Variants in PLEKHG7 observed in about 807,000 individuals in gnomAD.
The protein encoded by PLEKHG7 is pleckstrin homology domain-containing family G member 7.
In PLEKHG7, 77 loss-of-function variants were observed where a neutral mutation model predicts 85.2. That is an observed-to-expected ratio of 0.90 (90% confidence interval 0.75 to 1.09). The LOEUF is 1.09. Among genes scored for constraint, PLEKHG7 ranks in the 50% least tolerant of loss-of-function variants. The pLI, the probability that PLEKHG7 is intolerant of heterozygous loss-of-function variation, is 0.00. For missense variants in PLEKHG7, 777 were observed against 804.3 expected, an observed-to-expected ratio of 0.97 and a Z score of 0.41; for synonymous variants, 301 against 302.4, an observed-to-expected ratio of 1.00 and a Z score of 0.05.
chr12:92,745,632 C>T, intron 10 of PLEKHG7, 41 bp downstream of exon 10: 2 of 1,391,268 alleles, frequency 1.4e-6, no homozygotes, highest in Non-Finnish European at 2.0e-6. Context: ...TTTGCTGATG[C>T]TTTTTGGGTG....
rs927064375 is a variant in PLEKHG7 at position 92,737,401 on chromosome 12, G to A, written c.819G>A (p.Leu273=). 6 of 1,540,534 alleles carry A rather than the reference G, an allele frequency of 3.9e-6. No homozygotes were observed. The African/African-American group carries it at 7.0e-5, about 18-fold the overall frequency. The part of the protein sequence containing the change: ...GLKDKTWDEV[L]ETHHKLPTDQ... ...AGGATAAGACCTGGGATGAAGTCTT[G>A]GAAACACATCACAAACTCCCGACCG... Residue 273 remains leucine, a synonymous_variant, in exon 7 of 17, where the codon TTG becomes TTA. Transcript: ENST00000344636.
chr12:92,718,419 A>G (rs1871549565), intron 3 of PLEKHG7, among the ~76,000 whole-genome samples: 1 of 152,232 alleles, frequency 6.6e-6, no homozygotes, highest in Non-Finnish European at 1.5e-5. Context: ...AATAGAATGT[A>G]AGTTCCAGGA....
chr12:92,744,868 G>A (rs573948868), intron 9 of PLEKHG7, among the ~76,000 whole-genome samples: 1 of 152,146 alleles, frequency 6.6e-6, no homozygotes, highest in African/African-American at 2.4e-5. Flanking sequence ...GGGTTTCAAT[G>A]TGTTGCACAG....
At chr12:92,751,589 G>A (rs1872691335) in intron 10 of PLEKHG7, among the ~76,000 whole-genome samples, 1 of 151,606 alleles carries the variant, frequency 6.6e-6, no homozygotes, top group Non-Finnish European at 1.5e-5. Context: ...GGCCAGGCTG[G>A]TCTCGAACTC....
At chr12:92,765,227 C>G (rs1179236720) in intron 15 of PLEKHG7, among the ~76,000 whole-genome samples, 1 of 151,556 alleles carries the variant, frequency 6.6e-6, no homozygotes, top group Non-Finnish European at 1.5e-5. Flanking sequence ...GTGGCTCATA[C>G]TATAATCCCA....
chr12:92,736,621 C>T (rs940630801), intron 6 of PLEKHG7, 44 bp downstream of exon 6: 16 of 1,159,742 alleles, frequency 1.4e-5, no homozygotes, highest in African/African-American at 9.6e-5. Flanking sequence ...TTTTTCTTTT[C>T]GTTTTTTGGT....
chr12:92,727,532 T>C (rs1267919377), intron 3 of PLEKHG7, among the ~76,000 whole-genome samples: 26 of 152,194 alleles, frequency 1.7e-4, no homozygotes, highest in Admixed American at 1.7e-3. Context: ...GCATCTGGAT[T>C]AGTTTACTTA....
intron 3 of PLEKHG7, among the ~76,000 whole-genome samples, chr12:92,728,599 G>T (rs533065465): frequency 2.0e-5 from 3 of 149,854 alleles, no homozygotes; most frequent in South Asian, 4.2e-4. Flanking sequence ...ACATTCCATG[G>T]TGTTTATATG....
At chr12:92,763,897 G>T (rs566643691) in intron 14 of PLEKHG7, 144 bp from the exon 15 acceptor site, 2 of 543,792 alleles carry the variant, frequency 3.7e-6, no homozygotes, top group East Asian at 3.4e-5. Flanking sequence ...TGCTTTTCAA[G>T]ATCCAGAAAG....
intron 3 of PLEKHG7, among the ~76,000 whole-genome samples, chr12:92,709,487 G>C (rs1871326761): frequency 6.6e-6 from 1 of 152,190 alleles, no homozygotes; most frequent in Non-Finnish European, 1.5e-5. Context: ...TCTAAGTGGA[G>C]ATTTTGAGTA....
chr12:92,751,307 G>C (rs1194993942), intron 10 of PLEKHG7, among the ~76,000 whole-genome samples: 1 of 152,188 alleles, frequency 6.6e-6, no homozygotes, highest in African/African-American at 2.4e-5. Flanking sequence ...GGCTTCTGGA[G>C]CTCCATTCAC....
intron 13 of PLEKHG7, among the ~76,000 whole-genome samples, chr12:92,761,360 G>A (rs933782783): frequency 9.9e-5 from 15 of 152,144 alleles, no homozygotes; most frequent in Admixed American, 8.5e-4. Context: ...AGATTCAAAT[G>A]AGACGCATCA....
chr12:92,720,855 T>C (rs1317342957), intron 3 of PLEKHG7, among the ~76,000 whole-genome samples: 1 of 152,234 alleles, frequency 6.6e-6, no homozygotes, highest in African/African-American at 2.4e-5. Flanking sequence ...GTAGCCATCA[T>C]CACATCATTT....
In PLEKHG7 at chr12:92,706,575, A is replaced by G; in HGVS notation, c.-57A>G. ...TGAGCACCCTCCATGTGATCCAGAG[A>G]ACAGCAACTCATACGTCTTCTGGAA... is the stretch of plus-strand genomic sequence containing the variant. On this transcript the variant is annotated 5_prime_UTR_variant, in exon 2 of 17. Coordinates refer to ENST00000344636, the MANE Select transcript of PLEKHG7 (RefSeq NM_001377329.1). 6.6e-7 allele frequency: 1 copy of G among 1,522,900 alleles called. No individual in the cohort carries two copies. 94.3% of individuals were successfully genotyped at this position (1,522,900 alleles called of 1,614,324 possible).
At chr12:92,721,560 GGTGGGT>G in intron 3 of PLEKHG7, 2 of 1,127,558 alleles carry the variant, frequency 1.8e-6, no homozygotes, top group Non-Finnish European at 2.2e-6. Context: ...GTTTCTACAT[GGTGGGT>G]GGGGGTGGGG....
intron 3 of PLEKHG7, among the ~76,000 whole-genome samples, chr12:92,726,224 T>A (rs1352354514): frequency 6.6e-6 from 1 of 151,896 alleles, no homozygotes; most frequent in Admixed American, 6.6e-5. Flanking sequence ...AGCAGCTAGG[T>A]AGGAAAATGG....
At chr12:92,757,032 C>T (rs1872854663) in intron 13 of PLEKHG7, among the ~76,000 whole-genome samples, 1 of 152,204 alleles carries the variant, frequency 6.6e-6, no homozygotes. Flanking sequence ...AGATAAATAG[C>T]ACAGCTGGAG....
In PLEKHG7 at chr12:92,766,278, C is replaced by T. The variant is rs898083383; in HGVS notation, c.1870+2084C>T. On this transcript the variant is annotated intron_variant, in intron 15 of 16. Transcript: ENST00000344636. ...CATCCTGTGCTAGGAATTTATTCTC[C>T]TACTACAGTGGCTATAGTTATAGAT... 1.3e-5 allele frequency among the ~76,000 whole-genome samples: 2 copies of T among 152,260 alleles called. 1 individual carries two copies. The highest frequency in any genetic ancestry group is 1.3e-4 in the Admixed American group (2 of 15,302).
intron 15 of PLEKHG7, among the ~76,000 whole-genome samples, chr12:92,765,126 G>GTGAA (rs1315058886): frequency 1.3e-5 from 2 of 152,104 alleles, no homozygotes; most frequent in African/African-American, 4.8e-5. Context: ...ACCTTAAAGA[G>GTGAA]TGAATGAATG....
Sources: gnomAD v4.1 joint callset for allele counts (sites outside exome capture counted in the v4.1 genomes callset) on GRCh38, gnomAD v4.1.1 for gene constraint, MANE v1.5 for transcripts, NCBI Gene and HGNC (gene_info 2026-07-23, HGNC 2026-07-21) for gene names.